CNTNAP2: variants seen among roughly 807,000 people sequenced by gnomAD.
CNTNAP2 encodes the protein contactin associated protein 2.
CNTNAP2 carries 98 observed loss-of-function variants against 155.2 expected under a neutral mutation model. That is an observed-to-expected ratio of 0.63 (90% CI 0.54 to 0.75). The LOEUF (loss-of-function observed/expected upper bound fraction) is 0.75, where lower values mean the gene tolerates loss of function less well. Ranked by LOEUF, CNTNAP2 falls within the 30% of genes least tolerant of loss-of-function variation. The pLI is 0.00. For missense variants in CNTNAP2, 1,727 were observed against 1,688.1 expected, an observed-to-expected ratio of 1.02 and a Z score of -0.40; for synonymous variants, 651 against 631.2, an observed-to-expected ratio of 1.03 and a Z score of -0.47.
intron 21 of CNTNAP2, among the ~76,000 whole-genome samples, chr7:148,300,630 T>C (rs1797368925): frequency 6.7e-6 from 1 of 149,834 alleles, no homozygotes; most frequent in Non-Finnish European, 1.5e-5. Context: ...ACACCAATGT[T>C]CATAGCAGCA....
chr7:147,499,838 C>A (rs55728357), intron 11 of CNTNAP2, among the ~76,000 whole-genome samples: 1 of 151,920 alleles, frequency 6.6e-6, no homozygotes, highest in Non-Finnish European at 1.5e-5. Flanking sequence ...CTCTGAATGG[C>A]AAGGCTGAGA....
intron 12 of CNTNAP2, among the ~76,000 whole-genome samples, chr7:147,575,376 G>A (rs796958056): frequency 0.2 from 21,044 of 104,108 alleles, 1,964 homozygotes; most frequent in East Asian, 0.33. Flanking sequence ...TTAGGGGTGT[G>A]TGTGTGTGTG....
At chr7:147,061,656 C>T (rs1333375804) in intron 4 of CNTNAP2, among the ~76,000 whole-genome samples, 2 of 152,208 alleles carry the variant, frequency 1.3e-5, no homozygotes, top group African/African-American at 4.8e-5. Context: ...CAGTGATTCT[C>T]TGCTGCTTTT....
chr7:148,019,359 G>A (rs562268394), intron 15 of CNTNAP2, among the ~76,000 whole-genome samples: 1 of 152,268 alleles, frequency 6.6e-6, no homozygotes, highest in South Asian at 2.1e-4. Flanking sequence ...CTATGTGCAG[G>A]TGTGGAATGC....
At chr7:146,129,244 T>C (rs1441497199) in intron 1 of CNTNAP2, among the ~76,000 whole-genome samples, 1 of 152,208 alleles carries the variant, frequency 6.6e-6, no homozygotes, top group Non-Finnish European at 1.5e-5. Context: ...GTATCTACTT[T>C]CAAAGAGAGA....
intron 6 of CNTNAP2, among the ~76,000 whole-genome samples, chr7:147,127,864 G>A (rs138371519): frequency 9.7e-4 from 148 of 151,964 alleles, no homozygotes; most frequent in African/African-American, 3.0e-3. Flanking sequence ...TATAATTAGC[G>A]GTTGGCTTCA....
intron 21 of CNTNAP2, among the ~76,000 whole-genome samples, chr7:148,303,332 G>A (rs1285551195): frequency 6.6e-6 from 1 of 152,170 alleles, no homozygotes; most frequent in African/African-American, 2.4e-5. Context: ...GCACATAGAA[G>A]GTGCTCAGTA....
At chr7:146,130,502 A>G (rs1563133295) in intron 1 of CNTNAP2, among the ~76,000 whole-genome samples, 1 of 152,240 alleles carries the variant, frequency 6.6e-6, no homozygotes, top group Non-Finnish European at 1.5e-5. Context: ...AATTTAGGTC[A>G]GTATTAAAGT....
chr7:146,311,002 G>C (rs1056115051), intron 1 of CNTNAP2, among the ~76,000 whole-genome samples: 1 of 152,066 alleles, frequency 6.6e-6, no homozygotes, highest in African/African-American at 2.4e-5. Flanking sequence ...CTATGTTTTA[G>C]TTCTAAGGAA....
At chr7:147,293,905 TA>T (rs1437642972) in intron 8 of CNTNAP2, among the ~76,000 whole-genome samples, 1 of 152,224 alleles carries the variant, frequency 6.6e-6, no homozygotes, top group African/African-American at 2.4e-5. Flanking sequence ...AATTTAGTTA[TA>T]AAAATATAAA....
At position 147,662,497 on chromosome 7, in the gene CNTNAP2, AC is replaced by A. The variant is rs1795628061; in HGVS notation, c.2098+23192del. 2.6e-5 allele frequency among the ~76,000 whole-genome samples: 4 copies of A among 152,252 alleles called. No homozygotes were observed. The South Asian group carries it at 6.2e-4, about 24-fold the overall frequency. On this transcript the variant is annotated intron_variant, in intron 13 of 23. Transcript: ENST00000361727. ...TAGCTAAGCAAGATATAATTATCTAACTTATAATTAGACTAGAACATCAGGC... is the reference window on the plus strand; with the variant it reads ...TAGCTAAGCAAGATATAATTATCTAATTATAATTAGACTAGAACATCAGGC...
At chr7:146,513,102 A>G (rs992856486) in intron 1 of CNTNAP2, among the ~76,000 whole-genome samples, 5 of 151,908 alleles carry the variant, frequency 3.3e-5, no homozygotes, top group African/African-American at 1.2e-4. Context: ...ATATAAGTAT[A>G]GCTATTCCTG....
intron 13 of CNTNAP2, among the ~76,000 whole-genome samples, chr7:147,817,077 A>G (rs1798276907): frequency 6.6e-6 from 1 of 152,210 alleles, no homozygotes; most frequent in Admixed American, 6.5e-5. Context: ...TGACACCACA[A>G]TGAAACAAAC....
At chr7:148,147,417 G>A in intron 16 of CNTNAP2, 74 bp from the exon 17 acceptor site, 3 of 1,431,420 alleles carry the variant, frequency 2.1e-6, no homozygotes, top group Non-Finnish European at 3.0e-6. Context: ...TGCTTTGTTT[G>A]TCGTCTAGAA....
intron 1 of CNTNAP2, among the ~76,000 whole-genome samples, chr7:146,146,623 T>C (rs554688586): frequency 3.9e-5 from 6 of 152,198 alleles, no homozygotes; most frequent in South Asian, 2.1e-4. Flanking sequence ...GGCTAAGACA[T>C]TGAATAATTA....
intron 18 of CNTNAP2, among the ~76,000 whole-genome samples, chr7:148,212,142 GTT>G (rs79394797): frequency 1.8e-4 from 27 of 148,078 alleles, no homozygotes; most frequent in Non-Finnish European, 2.2e-4. Context: ...TTTTTTGTGG[GTT>G]TTTTTTTTTC....
chr7:147,957,287 T>C lies in CNTNAP2; in HGVS notation c.2256-20575T>C, dbSNP rs567953141. On this transcript the variant is annotated intron_variant, in intron 14 of 23. Transcript: ENST00000361727. ...TGAAGTTGTTTGTTTGTTTGTTTGT[T>C]TCTCAAAGATGTGATAATTACAGTG... 2.0e-5 allele frequency among the ~76,000 whole-genome samples: 3 copies of C among 152,184 alleles called. No individual in the cohort carries two copies. The South Asian group carries it at 6.2e-4, about 32-fold the overall frequency.
At chr7:146,583,371 A>G (rs939872708) in intron 1 of CNTNAP2, among the ~76,000 whole-genome samples, 1 of 152,148 alleles carries the variant, frequency 6.6e-6, no homozygotes, top group Admixed American at 6.6e-5. Flanking sequence ...TTGTAGTTCA[A>G]TCAGTTTTCA....
At chr7:147,333,576 A>G (rs573770788) in intron 9 of CNTNAP2, among the ~76,000 whole-genome samples, 159 of 152,322 alleles carry the variant, frequency 1.0e-3, no homozygotes, top group African/African-American at 3.7e-3. Flanking sequence ...TTTTTGAAAT[A>G]TCATACTTGT....
Sources: allele counts gnomAD v4.1 joint callset (sites outside exome capture counted in the v4.1 genomes callset), GRCh38; gene constraint gnomAD v4.1.1; transcripts MANE v1.5; gene names NCBI Gene and HGNC (gene_info 2026-07-23, HGNC 2026-07-21).